The following CLPB variants were observed in gnomAD, a reference collection of about 807,000 sequenced individuals.
The protein encoded by CLPB is mitochondrial disaggregase.
A neutral mutation model predicts 78.4 loss-of-function variants in CLPB; 40 were observed. The observed-to-expected ratio is 0.51, with a 90% confidence interval of 0.40 to 0.66. The LOEUF (loss-of-function observed/expected upper bound fraction) is 0.66. CLPB is among the 30% of genes least tolerant of loss of function. The pLI, the probability that CLPB is intolerant of heterozygous loss-of-function variation, is 0.00. For missense variants in CLPB, 780 were observed against 886.9 expected (o/e 0.88, Z 1.53); for synonymous variants, 333 against 348.0 (o/e 0.96, Z 0.48).
At chr11:72,315,780 C>T (rs947133534) in intron 7 of CLPB, among the ~76,000 whole-genome samples, 4 of 152,222 alleles carry the variant, frequency 2.6e-5, no homozygotes, top group Non-Finnish European at 4.4e-5. Context: ...CAGTCCCTAC[C>T]ACACATGTGA....
chr11:72,429,985 G>C (rs946123949), intron 2 of CLPB, among the ~76,000 whole-genome samples: 4 of 152,168 alleles, frequency 2.6e-5, no homozygotes, highest in African/African-American at 9.7e-5. Context: ...GTAATACATG[G>C]CCATTCCCAA....
Position 72,285,608 on chromosome 11 carries a change from T to C in CLPB, c.*7759A>G, listed in dbSNP as rs1326066801. 6.6e-6 allele frequency: 1 copy of C among 152,206 alleles called. No homozygotes were observed. Among genetic ancestry groups the C allele is most frequent in the African/African-American group, 2.4e-5 (1 of 41,446 alleles). The allele number at this position is 152,206 out of a possible 1,614,324, so 9.4% of individuals were successfully genotyped here. A position where few individuals can be genotyped will look rare whatever the true frequency, so the allele number is the denominator to read the frequency against. On this transcript the variant is annotated 3_prime_UTR_variant, in exon 16 of 16. Transcript: ENST00000538039. The stretch of plus-strand genomic sequence containing the variant: ...TGTTTTTTCACTTGTCAGGTCTTAT[T>C]TTTATGCCCTTCAATATGGTTTTCT...
chr11:72,346,154 G>C (rs994059449), intron 5 of CLPB, among the ~76,000 whole-genome samples: 1 of 152,194 alleles, frequency 6.6e-6, no homozygotes, highest in African/African-American at 2.4e-5. Flanking sequence ...CATAAGAATA[G>C]CTCGTGCTTA....
At chr11:72,305,059 C>A (rs776767999) in intron 9 of CLPB, among the ~76,000 whole-genome samples, 3 of 152,202 alleles carry the variant, frequency 2.0e-5, no homozygotes, top group Non-Finnish European at 4.4e-5. Flanking sequence ...GAAGCACCAC[C>A]TATGATTTAA....
At chr11:72,424,927 T>C (rs949798352) in intron 2 of CLPB, among the ~76,000 whole-genome samples, 1 of 151,530 alleles carries the variant, frequency 6.6e-6, no homozygotes, top group Non-Finnish European at 1.5e-5. Flanking sequence ...AAAAAAAAAC[T>C]TAGCCAGGTG....
chr11:72,433,656 G>C (rs1232188196), intron 1 of CLPB, among the ~76,000 whole-genome samples: 1 of 152,112 alleles, frequency 6.6e-6, no homozygotes, highest in Admixed American at 6.5e-5. Flanking sequence ...TTGGTGGCGG[G>C]GGGTAGGGGG....
At chr11:72,400,611 C>T (rs1336928929) in intron 3 of CLPB, among the ~76,000 whole-genome samples, 6 of 152,210 alleles carry the variant, frequency 3.9e-5, no homozygotes, top group African/African-American at 7.2e-5. Context: ...CCTTCTTTAG[C>T]ACCACTGGCT....
rs1463902161 is a variant in CLPB at position 72,312,910 on chromosome 11, T to G, written c.988+4196A>C. Among the ~76,000 whole-genome samples the G allele has an allele frequency of 6.6e-6, 1 of 152,108 alleles. No homozygotes were observed. Among genetic ancestry groups the G allele is most frequent in the African/African-American group, 2.4e-5 (1 of 41,406 alleles). On this transcript the variant is annotated intron_variant, in intron 7 of 15. Transcript: ENST00000538039. The surrounding 1 kb of genome is among the most constrained non-coding windows in gnomAD (Gnocchi z 4.2). ...AAGAGCCATTTGTGCTGGCCTGACA[T>G]TTGTGCTTGAAGGGTGAGAGGGAGA...
intron 15 of CLPB, among the ~76,000 whole-genome samples, 179 bp downstream of exon 15, chr11:72,293,843 T>G (rs1489494333): frequency 1.3e-5 from 2 of 152,188 alleles, no homozygotes; most frequent in Non-Finnish European, 2.9e-5. Context: ...TGGGCTACCC[T>G]CCAGCAGGGG....
At chr11:72,310,208 C>T (rs573700943) in intron 7 of CLPB, among the ~76,000 whole-genome samples, 23 of 152,312 alleles carry the variant, frequency 1.5e-4, no homozygotes, top group Admixed American at 1.2e-3. Flanking sequence ...GCCTAAAATA[C>T]GACTTTCTCT....
In CLPB at chr11:72,301,843, T is replaced by A; in HGVS notation, c.1289A>T (p.His430Leu). The A allele has an allele frequency of 6.2e-7, 1 of 1,614,206 alleles. No individual in the cohort carries two copies. Among genetic ancestry groups the A allele is most frequent in the Non-Finnish European group, 8.5e-7 (1 of 1,180,030 alleles). Residue 430 changes from histidine (H) to leucine (L), a missense_variant, in exon 11 of 16, where the codon CAT becomes CTT. Around this residue, in one of 3 missense-constraint regions of CLPB, gnomAD observed 91 missense variants for 168.2 expected, o/e 0.54. Coordinates refer to ENST00000538039, the MANE Select transcript of CLPB (RefSeq NM_001258392.3). ...CAGCATGATGGTGAGCACATCTGGA[T>A]GGGCCTTGTCTACTTCATCAAAGAG... ...VVLFDEVDKA[H>L]PDVLTIMLQL...
rs369227883 is a variant in CLPB at position 72,293,606 on chromosome 11, G to T, written c.1795C>A (p.Arg599Ser). The T allele has an allele frequency of 4.7e-5, 75 of 1,612,308 alleles. No individual in the cohort carries two copies. The African/African-American group carries it at 9.6e-4, about 21-fold the overall frequency. The change falls in exon 16 of 16, where the codon CGT becomes AGT. Residue 599 changes from arginine to serine, a missense_variant. Around this residue, in one of 3 missense-constraint regions of CLPB, gnomAD observed 272 missense variants for 304.0 expected, o/e 0.89. Coordinates refer to ENST00000538039, the MANE Select transcript of CLPB (RefSeq NM_001258392.3). ...GCTGCTGCCAGCTGGTTCACCACAC[G>T]GCGTTCTACCTGTCGGTGGGGAGGT... is the stretch of plus-strand genomic sequence containing the variant. ...ARSIKHEVER[R>S]VVNQLAAAYE...
intron 3 of CLPB, among the ~76,000 whole-genome samples, chr11:72,389,999 C>A (rs888490273): frequency 5.3e-5 from 8 of 152,176 alleles, no homozygotes; most frequent in African/African-American, 1.9e-4. Context: ...TACCCTATTA[C>A]CCTTACTAAT....
At chr11:72,349,172 T>C (rs924083332) in intron 5 of CLPB, among the ~76,000 whole-genome samples, 4 of 152,220 alleles carry the variant, frequency 2.6e-5, no homozygotes, top group African/African-American at 9.6e-5. Context: ...AATTATATTA[T>C]TTTACGGATA....
intron 4 of CLPB, among the ~76,000 whole-genome samples, chr11:72,374,717 T>C (rs940481623): frequency 1.3e-5 from 2 of 152,256 alleles, no homozygotes; most frequent in African/African-American, 4.8e-5. Flanking sequence ...GCTGTGTCTG[T>C]TCTCAGCAGG....
chr11:72,342,615 A>G (rs1950440947), intron 5 of CLPB, among the ~76,000 whole-genome samples: 2 of 152,178 alleles, frequency 1.3e-5, no homozygotes, highest in African/African-American at 4.8e-5. Flanking sequence ...GCTAGGAGCA[A>G]CTGTCAGTGG....
intron 2 of CLPB, among the ~76,000 whole-genome samples, chr11:72,426,499 T>G (rs1856378055): frequency 6.6e-6 from 1 of 151,890 alleles, no homozygotes; most frequent in South Asian, 2.1e-4. Flanking sequence ...ATGGATGAAC[T>G]TAAGTGCCTC....
At chr11:72,345,906 C>T (rs1293263793) in intron 5 of CLPB, among the ~76,000 whole-genome samples, 1 of 152,162 alleles carries the variant, frequency 6.6e-6, no homozygotes, top group African/African-American at 2.4e-5. Flanking sequence ...TTGTTTTCTA[C>T]AGTGGCATGG....
Position 72,370,324 on chromosome 11 carries a change from C to T in CLPB, c.646+9957G>A, listed in dbSNP as rs181320682. 6.7e-3 allele frequency among the ~76,000 whole-genome samples: 1,023 copies of T among 152,308 alleles called. 11 individuals are homozygous for T. The highest frequency in any genetic ancestry group is 0.011 in the Non-Finnish European group (740 of 68,030). Reference sequence around the variant, plus strand: ...CTCTCTCTCCTAGGACACAGACACACACACACACACAGTTTGGAGGGCTAA... The same window carrying T: ...CTCTCTCTCCTAGGACACAGACACATACACACACACAGTTTGGAGGGCTAA... On this transcript the variant is annotated intron_variant, in intron 4 of 15. Transcript: ENST00000538039.
Sources: allele counts gnomAD v4.1 joint callset (sites outside exome capture counted in the v4.1 genomes callset), GRCh38; gene constraint gnomAD v4.1.1; regional missense constraint gnomAD v4.1.1; non-coding constraint Gnocchi (gnomAD v3.1); transcripts MANE v1.5; gene names NCBI Gene and HGNC (gene_info 2026-07-23, HGNC 2026-07-21).